PBX1: variants seen among roughly 807,000 people sequenced by gnomAD.
PBX1 encodes the protein pre-B-cell leukemia transcription factor 1.
PBX1 carries 6 observed loss-of-function variants against 53.4 expected under a neutral mutation model. The ratio of observed to expected loss-of-function variants is 0.11; its 90% confidence interval spans 0.06 to 0.22. PBX1 has a LOEUF of 0.22. PBX1 is among the 10% of genes least tolerant of loss of function. The probability of loss-of-function intolerance (pLI) is 1.00; values close to 1 mark genes in which losing one functional copy is unlikely to be tolerated. For synonymous variants in PBX1, 204 were observed against 212.3 expected, an observed-to-expected ratio of 0.96 and a Z score of 0.34; for missense variants, 251 against 551.4, an observed-to-expected ratio of 0.46 and a Z score of 5.46.
chr1:164,684,902 G>A (rs1343758779), intron 2 of PBX1: 8 of 152,222 alleles, frequency 5.3e-5, no homozygotes, highest in South Asian at 2.1e-4. Context: ...CTTATATAAC[G>A]TTTTATGGTT....
intron 2 of PBX1, among the ~76,000 whole-genome samples, chr1:164,743,368 T>G (rs1213082797): frequency 6.6e-6 from 1 of 152,218 alleles, no homozygotes; most frequent in East Asian, 1.9e-4. Context: ...TCCTCAGGAC[T>G]CAAGGATATA....
intron 2 of PBX1, among the ~76,000 whole-genome samples, chr1:164,759,887 C>T (rs1666719673): frequency 6.6e-6 from 1 of 152,144 alleles, no homozygotes; most frequent in Non-Finnish European, 1.5e-5. Flanking sequence ...ATGAGCTAAT[C>T]AGATGCCCAG....
intron 2 of PBX1, among the ~76,000 whole-genome samples, chr1:164,598,692 A>G (rs942127033): frequency 2.6e-5 from 4 of 152,252 alleles, no homozygotes; most frequent in African/African-American, 9.6e-5. Flanking sequence ...ACCCTTTCCA[A>G]TGACACTCTG....
intron 2 of PBX1, among the ~76,000 whole-genome samples, chr1:164,638,905 G>A (rs974186123): frequency 6.6e-6 from 1 of 152,202 alleles, no homozygotes; most frequent in African/African-American, 2.4e-5. Flanking sequence ...ATATTATTTG[G>A]CAGCAAGAAA....
rs558929685 is a variant in PBX1 at position 164,850,923 on chromosome 1, C to A, written c.*4247C>A. 2.8e-5 allele frequency: 6 copies of A among 213,848 alleles called. No homozygotes were observed. In the South Asian group the frequency reaches 9.3e-4, roughly 33 times the overall value. The allele number at this position is 213,848 out of a possible 1,614,324, so 13.2% of individuals were successfully genotyped here. On this transcript the variant is annotated 3_prime_UTR_variant, in exon 9 of 9. Coordinates refer to ENST00000420696, the MANE Select transcript of PBX1 (RefSeq NM_002585.4). The stretch of plus-strand genomic sequence containing the variant: ...TACATTCCATGAGGCCTCTTCCAAC[C>A]AAAGAGGCCTTTTCTTCCAGGAGAG...
chr1:164,564,107 A>G (rs982171500), intron 2 of PBX1: 8 of 152,122 alleles, frequency 5.3e-5, no homozygotes, highest in Admixed American at 5.2e-4. Context: ...AAAGTGGGTA[A>G]AGCTCTCCCT....
chr1:164,559,722 G>A lies in PBX1; in HGVS notation c.-101G>A, dbSNP rs1270664274. On this transcript the variant is annotated 5_prime_UTR_variant, in exon 1 of 9. Coordinates refer to ENST00000420696, the MANE Select transcript of PBX1 (RefSeq NM_002585.4). Reference sequence around the variant, plus strand: ...CCCCTTCCCTGTTTATCCTGAAAAGGATTTGAAGACAAGCTTGAAGGATAA... The same window carrying A: ...CCCCTTCCCTGTTTATCCTGAAAAGAATTTGAAGACAAGCTTGAAGGATAA... 6 of 825,082 alleles carry A rather than the reference G, an allele frequency of 7.3e-6. No homozygotes were observed. In the African/African-American group the frequency reaches 1.1e-4, roughly 15 times the overall value. The allele number at this position is 825,082 out of a possible 1,614,324, so 51.1% of individuals were successfully genotyped here.
rs796425003 is a variant in PBX1 at position 164,767,657 on chromosome 1, GA to G, written c.266-24825del. Among the ~76,000 whole-genome samples, 934 of 134,972 alleles carry G rather than the reference GA, an allele frequency of 6.9e-3. 6 individuals carry two copies. Among genetic ancestry groups the G allele is most frequent in the African/African-American group, 0.018 (665 of 37,022 alleles). 88.5% of individuals were successfully genotyped at this position (134,972 alleles called of 152,430 possible). A position where few individuals can be genotyped will look rare whatever the true frequency, so the allele number is the denominator to read the frequency against. On this transcript the variant is annotated intron_variant, in intron 2 of 8. Transcript: ENST00000420696. ...GGAGGTAGTACAAACATCAAAAAAA[GA>G]AAAAAAAAAAAGGCTTTCTGTACTC...
At chr1:164,832,150 G>A (rs1303054974) in intron 8 of PBX1, among the ~76,000 whole-genome samples, 2 of 152,018 alleles carry the variant, frequency 1.3e-5, no homozygotes, top group East Asian at 3.9e-4. Context: ...TATCCAGATA[G>A]ACCCTTGACC....
intron 2 of PBX1, among the ~76,000 whole-genome samples, chr1:164,749,264 T>C (rs2050746): frequency 0.079 from 12,101 of 152,214 alleles, 722 homozygotes; most frequent in East Asian, 0.16. Context: ...ATAAACAATA[T>C]ATATCTTGCT....
intron 2 of PBX1, among the ~76,000 whole-genome samples, chr1:164,629,179 A>C (rs773940985): frequency 6.6e-6 from 1 of 152,042 alleles, no homozygotes; most frequent in Non-Finnish European, 1.5e-5. Context: ...CCGTGTCTCC[A>C]TGGACCTGTT....
chr1:164,688,234 A>T (rs1234773730), intron 2 of PBX1, among the ~76,000 whole-genome samples: 1 of 152,194 alleles, frequency 6.6e-6, no homozygotes, highest in African/African-American at 2.4e-5. Context: ...TACTGTTCAG[A>T]TAGACTTGAG....
chr1:164,600,246 CTTTTTTTTTTTT>C (rs71097539), intron 2 of PBX1, among the ~76,000 whole-genome samples: 52,591 of 122,322 alleles, frequency 0.43, 10,241 homozygotes, highest in African/African-American at 0.51. Context: ...TATGCTGCTG[CTTTTTTTTTTTT>C]TTTTTTTTTT....
At chr1:164,716,426 A>ACCTC (rs1373365757) in intron 2 of PBX1, among the ~76,000 whole-genome samples, 22 of 152,180 alleles carry the variant, frequency 1.4e-4, no homozygotes, top group Admixed American at 1.4e-3. Context: ...GGTGAGCCAG[A>ACCTC]CCTAAGTGCC....
At chr1:164,750,629 G>T (rs1350127714) in intron 2 of PBX1, among the ~76,000 whole-genome samples, 1 of 152,218 alleles carries the variant, frequency 6.6e-6, no homozygotes, top group Non-Finnish European at 1.5e-5. Flanking sequence ...GGCAGAGACA[G>T]TCAGAAGTAG....
At chr1:164,881,914 C>A (rs1346743371) in intron 2 of PBX1, among the ~76,000 whole-genome samples, 2 of 152,140 alleles carry the variant, frequency 1.3e-5, no homozygotes, top group Admixed American at 1.3e-4. Context: ...GAGACTTGCA[C>A]CTACACTACC....
intron 2 of PBX1, among the ~76,000 whole-genome samples, chr1:164,619,315 C>T (rs972161184): frequency 6.6e-6 from 1 of 152,116 alleles, no homozygotes; most frequent in Admixed American, 6.6e-5. Flanking sequence ...TGGATCTTCA[C>T]TGCACAAACT....
At chr1:164,627,171 C>T (rs1260069304) in intron 2 of PBX1, among the ~76,000 whole-genome samples, 1 of 152,036 alleles carries the variant, frequency 6.6e-6, no homozygotes, top group Non-Finnish European at 1.5e-5. Context: ...GAGCATTTGT[C>T]CTTCCACTCA....
intron 2 of PBX1, among the ~76,000 whole-genome samples, chr1:164,605,688 G>C (rs1452521573): frequency 6.6e-6 from 1 of 152,200 alleles, no homozygotes; most frequent in East Asian, 1.9e-4. Flanking sequence ...ATACATACAT[G>C]TTGAGCATTT....
Sources: allele counts gnomAD v4.1 joint callset (sites outside exome capture counted in the v4.1 genomes callset), GRCh38; gene constraint gnomAD v4.1.1; transcripts MANE v1.5; gene names NCBI Gene and HGNC (gene_info 2026-07-23, HGNC 2026-07-21).